The following LHFPL6 variants were observed in gnomAD, a reference collection of about 807,000 sequenced individuals.
LHFPL6 encodes LHFPL tetraspan subfamily member 6 protein.
LHFPL6 carries 9 observed loss-of-function variants against 20.6 expected under a neutral mutation model. The observed-to-expected ratio is 0.44, with a 90% CI of 0.26 to 0.76. LHFPL6 has a LOEUF of 0.76. LHFPL6 is among the 30% of genes least tolerant of loss of function. The pLI, the probability that LHFPL6 is intolerant of heterozygous loss-of-function variation, is 0.20. For synonymous variants in LHFPL6, 105 were observed against 98.7 expected (o/e 1.06, Z -0.38); for missense variants, 218 against 253.5 (o/e 0.86, Z 0.95).
At chr13:39,380,975 G>A (rs1310309097) in intron 2 of LHFPL6, among the ~76,000 whole-genome samples, 1 of 152,042 alleles carries the variant, frequency 6.6e-6, no homozygotes, top group African/African-American at 2.4e-5. Flanking sequence ...CTACATTATG[G>A]TGAGTTGTAT....
intron 2 of LHFPL6, among the ~76,000 whole-genome samples, chr13:39,540,728 A>T (rs1469648671): frequency 6.6e-6 from 1 of 152,176 alleles, no homozygotes; most frequent in African/African-American, 2.4e-5. Context: ...TGAAACAACT[A>T]TTTTAGTGAG....
intron 2 of LHFPL6, among the ~76,000 whole-genome samples, chr13:39,584,310 G>A (rs1207437221): frequency 6.6e-6 from 1 of 152,090 alleles, no homozygotes; most frequent in African/African-American, 2.4e-5. Context: ...GGGAGGCTGA[G>A]GCAGGCAGAT....
intron 2 of LHFPL6, among the ~76,000 whole-genome samples, chr13:39,500,951 T>C (rs1869274272): frequency 6.6e-6 from 1 of 152,136 alleles, no homozygotes; most frequent in Non-Finnish European, 1.5e-5. Flanking sequence ...GGGCTCTACC[T>C]CCACAATTTG....
At position 39,568,623 on chromosome 13, in the gene LHFPL6, C is replaced by T. The variant is rs139538917; in HGVS notation, c.385+32209G>A. Among the ~76,000 whole-genome samples, 318 of 152,300 alleles carry T rather than the reference C, an allele frequency of 2.1e-3. 2 individuals are homozygous for T. The highest frequency in any genetic ancestry group is 6.9e-3 in the African/African-American group (287 of 41,560). On this transcript the variant is annotated intron_variant, in intron 2 of 3. Coordinates refer to ENST00000379589, the MANE Select transcript of LHFPL6 (RefSeq NM_005780.3). ...CATTCTAGAAATTAAACTTGGAAAG[C>T]ACTGTGAAATTGTTTTTATATGTAT...
chr13:39,519,202 C>T (rs1870026358), intron 2 of LHFPL6, among the ~76,000 whole-genome samples: 1 of 151,740 alleles, frequency 6.6e-6, no homozygotes, highest in African/African-American at 2.4e-5. Flanking sequence ...GGCCACTGCA[C>T]TCCAGCCTGG....
intron 2 of LHFPL6, among the ~76,000 whole-genome samples, chr13:39,506,987 C>T (rs1869507651): frequency 6.6e-6 from 1 of 152,154 alleles, no homozygotes; most frequent in African/African-American, 2.4e-5. Context: ...TTTTTTTGAA[C>T]AGTGCATGCA....
intron 2 of LHFPL6, among the ~76,000 whole-genome samples, chr13:39,562,620 A>G (rs1871565706): frequency 1.1e-5 from 1 of 94,210 alleles, no homozygotes; most frequent in Non-Finnish European, 2.2e-5. Flanking sequence ...ATATACACAT[A>G]TATACACACA....
chr13:39,586,220 GA>G (rs1328368123), intron 2 of LHFPL6, among the ~76,000 whole-genome samples: 1 of 151,910 alleles, frequency 6.6e-6, no homozygotes, highest in Non-Finnish European at 1.5e-5. Context: ...TTTTTAGGAA[GA>G]AAAAAAGAGT....
At chr13:39,396,029 A>G (rs1870832525) in intron 2 of LHFPL6, among the ~76,000 whole-genome samples, 1 of 152,230 alleles carries the variant, frequency 6.6e-6, no homozygotes, top group East Asian at 1.9e-4. Flanking sequence ...ATGAAGGCAT[A>G]GGGTTTTACT....
At chr13:39,522,510 C>T (rs1870142292) in intron 2 of LHFPL6, among the ~76,000 whole-genome samples, 1 of 152,216 alleles carries the variant, frequency 6.6e-6, no homozygotes, top group Non-Finnish European at 1.5e-5. Context: ...GTTCCACACA[C>T]ACAGCCTGCA....
At chr13:39,522,958 G>A (rs1165071746) in intron 2 of LHFPL6, among the ~76,000 whole-genome samples, 2 of 152,146 alleles carry the variant, frequency 1.3e-5, no homozygotes, top group African/African-American at 4.8e-5. Flanking sequence ...AACATGGTTG[G>A]AATACCATAT....
chr13:39,509,784 A>G (rs1168690332), intron 2 of LHFPL6, among the ~76,000 whole-genome samples: 1 of 151,958 alleles, frequency 6.6e-6, no homozygotes, highest in Non-Finnish European at 1.5e-5. Flanking sequence ...ATATAGCAAG[A>G]CCTCATCTGT....
At chr13:39,358,057 G>A (rs747904856) in intron 3 of LHFPL6, among the ~76,000 whole-genome samples, 7 of 151,810 alleles carry the variant, frequency 4.6e-5, no homozygotes, top group Non-Finnish European at 7.4e-5. Flanking sequence ...TCTAAAATTC[G>A]TATGGAACCA....
chr13:39,530,000 T>G (rs1245672330), intron 2 of LHFPL6, among the ~76,000 whole-genome samples: 4 of 152,190 alleles, frequency 2.6e-5, no homozygotes, highest in Non-Finnish European at 5.9e-5. Context: ...AAACTACAAA[T>G]GGGCACTGTG....
At chr13:39,462,831 A>C (rs1228804231) in intron 2 of LHFPL6, among the ~76,000 whole-genome samples, 1 of 152,174 alleles carries the variant, frequency 6.6e-6, no homozygotes, top group Admixed American at 6.5e-5. Flanking sequence ...TGTGGGAACA[A>C]GGTGAAAATT....
At chr13:39,457,918 A>C (rs1314800960) in intron 2 of LHFPL6, among the ~76,000 whole-genome samples, 2 of 152,370 alleles carry the variant, frequency 1.3e-5, no homozygotes, top group East Asian at 3.9e-4. Flanking sequence ...CAGTGAAATT[A>C]AGATTTTGAG....
intron 2 of LHFPL6, among the ~76,000 whole-genome samples, chr13:39,546,008 T>G (rs977800328): frequency 6.6e-6 from 1 of 152,150 alleles, no homozygotes; most frequent in African/African-American, 2.4e-5. Context: ...CTATCCAAGA[T>G]TGTTTGAATC....
intron 2 of LHFPL6, among the ~76,000 whole-genome samples, chr13:39,436,199 C>T (rs537829949): frequency 5.3e-4 from 80 of 152,056 alleles, no homozygotes; most frequent in African/African-American, 1.9e-3. Flanking sequence ...TTTTGTGCAG[C>T]CACTGAATAT....
At chr13:39,390,132 C>T (rs1870667603) in intron 2 of LHFPL6, among the ~76,000 whole-genome samples, 2 of 142,860 alleles carry the variant, frequency 1.4e-5, no homozygotes, top group Admixed American at 1.5e-4. Flanking sequence ...CCCACACCAA[C>T]AGTAAAGTAG....
Sources: allele counts gnomAD v4.1 joint callset (sites outside exome capture counted in the v4.1 genomes callset), GRCh38; gene constraint gnomAD v4.1.1; transcripts MANE v1.5; gene names NCBI Gene and HGNC (gene_info 2026-07-23, HGNC 2026-07-21).